CRB1: variants seen among roughly 807,000 people sequenced by gnomAD.
CRB1 encodes the protein crumbs cell polarity complex component 1, also known as protein crumbs homolog 1.
A neutral mutation model predicts 120.0 loss-of-function variants in CRB1; 83 were observed. The ratio of observed to expected loss-of-function variants is 0.69; its 90% CI spans 0.58 to 0.83. The LOEUF (loss-of-function observed/expected upper bound fraction) is 0.83, where lower values mean the gene tolerates loss of function less well. Ranked by LOEUF, CRB1 falls within the 40% of genes least tolerant of loss-of-function variation. The pLI is 0.00. For missense variants in CRB1, 1,699 were observed against 1,687.6 expected (o/e 1.01, Z -0.12); for synonymous variants, 625 against 612.5 (o/e 1.02, Z -0.30).
At chr1:197,453,952 GATATTATTATATTATTA>G (rs1666149814) in intron 11 of CRB1, among the ~76,000 whole-genome samples, 3 of 120,026 alleles carry the variant, frequency 2.5e-5, no homozygotes, top group Admixed American at 9.3e-5. Context: ...ATATATTATT[GATATTATTATATTATTA>G]ATAATATATA....
At chr1:197,442,580 T>C (rs1216392913) in intron 11 of CRB1, 1 of 1,382,668 alleles carries the variant, frequency 7.2e-7, no homozygotes, top group Non-Finnish European at 9.4e-7. Flanking sequence ...ACTTTGTCTG[T>C]GTATAAAATA....
chr1:197,373,017 TC>T lies in CRB1; in HGVS notation c.1171+16008del, dbSNP rs1661455312. Among the ~76,000 whole-genome samples the T allele has an allele frequency of 2.6e-5, 4 of 152,226 alleles. No individual in the cohort carries two copies. In the South Asian group the frequency reaches 8.3e-4, roughly 32 times the overall value. ...GGAATAAGAAGCCTAAGTGCCTCTCTCCCCTGAACTGCCTGGGGTTTAAAGT... is the reference window on the plus strand; with the variant it reads ...GGAATAAGAAGCCTAAGTGCCTCTCTCCCTGAACTGCCTGGGGTTTAAAGT... On this transcript the variant is annotated intron_variant, in intron 5 of 11. Transcript: ENST00000367400.
chr1:197,285,412 A>T (rs997164225), intron 1 of CRB1, among the ~76,000 whole-genome samples: 1 of 151,856 alleles, frequency 6.6e-6, no homozygotes, highest in Non-Finnish European at 1.5e-5. Flanking sequence ...TACTCCTCTC[A>T]GTGGGATGTA....
chr1:197,448,966 T>C (rs1198114050), intron 11 of CRB1, among the ~76,000 whole-genome samples: 1 of 152,240 alleles, frequency 6.6e-6, no homozygotes, highest in Non-Finnish European at 1.5e-5. Context: ...TTAATATTTT[T>C]ATTTTAATGA....
chr1:197,313,342 C>T (rs1435455887), intron 1 of CRB1, among the ~76,000 whole-genome samples: 1 of 152,126 alleles, frequency 6.6e-6, no homozygotes, highest in East Asian at 1.9e-4. Flanking sequence ...CTGTTGTACA[C>T]ATTTTTTGGG....
At position 197,310,839 on chromosome 1, in the gene CRB1, G is replaced by C. The variant is rs146292749; in HGVS notation, c.71-17583G>C. ...TAGGAAATATCATATGCTTCTCTTT[G>C]CATTATGTTTGTTAATATCCCATTG... On this transcript the variant is annotated intron_variant, in intron 1 of 11. Transcript: ENST00000367400. Among the ~76,000 whole-genome samples, 918 of 152,146 alleles carry C rather than the reference G, an allele frequency of 6.0e-3. 11 individuals are homozygous for C. The highest frequency in any genetic ancestry group is 0.021 in the African/African-American group (863 of 41,530).
At chr1:197,461,271 G>A (rs921324641) in intron 11 of CRB1, among the ~76,000 whole-genome samples, 2 of 152,132 alleles carry the variant, frequency 1.3e-5, no homozygotes, top group African/African-American at 2.4e-5. Flanking sequence ...GCTTCTGTGT[G>A]TAATTGTGCA....
intron 11 of CRB1, chr1:197,444,913 A>ACACC (rs1157277324): frequency 1.3e-5 from 2 of 151,544 alleles, no homozygotes; most frequent in Non-Finnish European, 1.5e-5. Context: ...GCATACACAC[A>ACACC]CACACACACA....
chr1:197,360,534 A>G (rs1447561154), intron 5 of CRB1: 2 of 152,004 alleles, frequency 1.3e-5, no homozygotes, highest in African/African-American at 4.8e-5. Flanking sequence ...TTCCTTGGTA[A>G]CTCCAATACT....
intron 4 of CRB1, among the ~76,000 whole-genome samples, chr1:197,351,364 C>CAAAAAAAA (rs35672792): frequency 1.2e-5 from 1 of 86,052 alleles, no homozygotes; most frequent in African/African-American, 5.1e-5. Context: ...TGAGACTTGG[C>CAAAAAAAA]AAAAAAAAAA....
At chr1:197,228,773 C>T in the CRB1 span, among the ~76,000 whole-genome samples, 2 of 152,122 alleles carry the variant, frequency 1.3e-5, no homozygotes, top group African/African-American at 2.4e-5. Flanking sequence ...CTTATAAAGA[C>T]ATACCCTAGA....
chr1:197,238,689 T>C, the CRB1 span, among the ~76,000 whole-genome samples: 1 of 151,908 alleles, frequency 6.6e-6, no homozygotes, highest in East Asian at 1.9e-4. Context: ...CTACTAAAAA[T>C]ACAAAATTAG....
intron 1 of CRB1, among the ~76,000 whole-genome samples, chr1:197,295,180 G>A (rs190127594): frequency 2.1e-4 from 32 of 152,074 alleles, no homozygotes; most frequent in African/African-American, 7.7e-4. Context: ...CCTCTTGGCA[G>A]GCTATAGAAT....
chr1:197,476,690 GGATGT>G (rs1667213185), intron 11 of CRB1, among the ~76,000 whole-genome samples: 1 of 152,020 alleles, frequency 6.6e-6, no homozygotes, highest in Non-Finnish European at 1.5e-5. Context: ...AAACTCTCTA[GGATGT>G]TAAACACAGA....
At chr1:197,432,672 G>T (rs902437296) in intron 8 of CRB1, among the ~76,000 whole-genome samples, 4 of 152,098 alleles carry the variant, frequency 2.6e-5, no homozygotes, top group African/African-American at 9.7e-5. Flanking sequence ...TTATGTCCTA[G>T]TGCAGAAAGA....
chr1:197,309,693 G>A (rs1264864085), intron 1 of CRB1, among the ~76,000 whole-genome samples: 1 of 151,862 alleles, frequency 6.6e-6, no homozygotes, highest in East Asian at 1.9e-4. Context: ...GGCAGAGCTT[G>A]CAGTGAGCCA....
intron 2 of CRB1, among the ~76,000 whole-genome samples, chr1:197,332,113 C>T (rs977492683): frequency 1.3e-5 from 2 of 151,674 alleles, no homozygotes; most frequent in Non-Finnish European, 2.9e-5. Flanking sequence ...GCACTCCAGC[C>T]TGAGCGACAG....
At chr1:197,281,078 T>C (rs573370012) in intron 1 of CRB1, among the ~76,000 whole-genome samples, 1 of 151,958 alleles carries the variant, frequency 6.6e-6, no homozygotes, top group African/African-American at 2.4e-5. Flanking sequence ...TGCATGTCAT[T>C]TACAGACTAG....
intron 5 of CRB1, among the ~76,000 whole-genome samples, chr1:197,367,288 A>G (rs998140700): frequency 1.3e-5 from 2 of 152,174 alleles, no homozygotes; most frequent in African/African-American, 4.8e-5. Flanking sequence ...TCTCTTCCCA[A>G]GGGAAAATGA....
Sources: gnomAD v4.1 joint callset for allele counts (sites outside exome capture counted in the v4.1 genomes callset) on GRCh38, gnomAD v4.1.1 for gene constraint, MANE v1.5 for transcripts, NCBI Gene and HGNC (gene_info 2026-07-23, HGNC 2026-07-21) for gene names.